The following NEGR1 variants were observed in gnomAD, a reference collection of about 807,000 sequenced individuals.
NEGR1 encodes the protein neuronal growth regulator 1.
A neutral mutation model predicts 40.9 loss-of-function variants in NEGR1; 10 were observed. That is an observed-to-expected ratio of 0.24 (90% CI 0.15 to 0.42). The LOEUF (loss-of-function observed/expected upper bound fraction) is 0.42. Among genes scored for constraint, NEGR1 ranks in the 10% least tolerant of loss-of-function variants. The probability of loss-of-function intolerance (pLI) is 1.00; values close to 1 mark genes in which losing one functional copy is unlikely to be tolerated. For synonymous variants in NEGR1, 185 were observed against 166.8 expected (o/e 1.11, Z -0.84); for missense variants, 352 against 438.9 (o/e 0.80, Z 1.77).
At chr1:72,154,335 A>G (rs1448184292) in intron 1 of NEGR1, among the ~76,000 whole-genome samples, 1 of 151,836 alleles carries the variant, frequency 6.6e-6, no homozygotes, top group Non-Finnish European at 1.5e-5. Flanking sequence ...TTTTTGTTTT[A>G]TATTATTCTG....
At chr1:72,248,579 TTATTA>T (rs1051142083) in intron 1 of NEGR1, among the ~76,000 whole-genome samples, 23 of 107,154 alleles carry the variant, frequency 2.1e-4, no homozygotes, top group South Asian at 1.8e-3. Context: ...TTTTTATTTA[TTATTA>T]TTATTATTAT....
chr1:71,782,450 A>G (rs890839097), intron 2 of NEGR1, among the ~76,000 whole-genome samples: 1 of 152,138 alleles, frequency 6.6e-6, no homozygotes, highest in Non-Finnish European at 1.5e-5. Context: ...TTCCACTCCT[A>G]TACTCATTTC....
intron 3 of NEGR1, among the ~76,000 whole-genome samples, chr1:71,770,519 A>G (rs1656280494): frequency 6.6e-6 from 1 of 152,214 alleles, no homozygotes; most frequent in Non-Finnish European, 1.5e-5. Flanking sequence ...ATTGTATGGT[A>G]TAAAATCAAT....
intron 1 of NEGR1, among the ~76,000 whole-genome samples, chr1:71,954,362 C>T (rs893372499): frequency 6.6e-6 from 1 of 151,232 alleles, no homozygotes; most frequent in African/African-American, 2.4e-5. Flanking sequence ...TTTCAGTAGG[C>T]AAAAAGATGT....
chr1:72,123,913 G>T (rs565440481), intron 1 of NEGR1, among the ~76,000 whole-genome samples: 1 of 151,996 alleles, frequency 6.6e-6, no homozygotes, highest in South Asian at 2.1e-4. Flanking sequence ...TTGGCCTGGG[G>T]GATGATTCTG....
chr1:71,958,229 T>C (rs1646134476), intron 1 of NEGR1, among the ~76,000 whole-genome samples: 1 of 152,220 alleles, frequency 6.6e-6, no homozygotes, highest in African/African-American at 2.4e-5. Context: ...TCTTCTACAT[T>C]TCCCCCCTTA....
intron 2 of NEGR1, among the ~76,000 whole-genome samples, chr1:71,921,361 A>G (rs909144790): frequency 6.6e-6 from 1 of 152,114 alleles, no homozygotes; most frequent in African/African-American, 2.4e-5. Flanking sequence ...CAATCTAAGT[A>G]CATTTGACCT....
chr1:72,053,175 G>A (rs1265181809), intron 1 of NEGR1, among the ~76,000 whole-genome samples: 2 of 151,258 alleles, frequency 1.3e-5, no homozygotes, highest in Non-Finnish European at 3.0e-5. Flanking sequence ...AAAGTTTCAG[G>A]AATGAATAAA....
chr1:71,639,473 G>A (rs1365276572), intron 4 of NEGR1, among the ~76,000 whole-genome samples: 1 of 152,020 alleles, frequency 6.6e-6, no homozygotes, highest in African/African-American at 2.4e-5. Context: ...CTCAATCTCT[G>A]TGTTTCAGGC....
chr1:71,859,696 T>G (rs1046015452), intron 2 of NEGR1, among the ~76,000 whole-genome samples: 2 of 152,058 alleles, frequency 1.3e-5, no homozygotes, highest in Non-Finnish European at 2.9e-5. Flanking sequence ...TTTTACTTAT[T>G]TTACCTCCTG....
At chr1:71,792,504 A>G (rs1350676707) in intron 2 of NEGR1, among the ~76,000 whole-genome samples, 2 of 152,048 alleles carry the variant, frequency 1.3e-5, no homozygotes, top group East Asian at 3.9e-4. Context: ...TTATCTCTGT[A>G]TTGTTTTTCA....
chr1:71,658,785 C>T (rs1009152738), intron 4 of NEGR1, among the ~76,000 whole-genome samples: 1 of 152,032 alleles, frequency 6.6e-6, no homozygotes. Context: ...AGACTGCAGT[C>T]CTTCTTAGAA....
chr1:71,697,976 AACTTATCTTGATAAAAGGTGATGAC>A lies in NEGR1; in HGVS notation c.667+7_667+31del, dbSNP rs926252431. 8 of 1,595,130 alleles carry A rather than the reference AACTTATCTTGATAAAAGGTGATGAC, an allele frequency of 5.0e-6. No individual in the cohort carries two copies. The African/African-American group carries it at 1.1e-4, about 22-fold the overall frequency. Reference sequence around the variant, plus strand: ...TTCAAGGTGTTTTATCTTTTCTCAGAACTTATCTTGATAAAAGGTGATGACACTTACAGTTGACAACAACTTTTAC... The same window carrying A: ...TTCAAGGTGTTTTATCTTTTCTCAGAACTTACAGTTGACAACAACTTTTAC... On this transcript the variant is annotated splice_region_variant and intron_variant, in intron 4 of 6. Transcript: ENST00000357731.
At chr1:71,844,508 G>T (rs1659339023) in intron 2 of NEGR1, among the ~76,000 whole-genome samples, 1 of 152,140 alleles carries the variant, frequency 6.6e-6, no homozygotes, top group Non-Finnish European at 1.5e-5. Context: ...TGATCCTTCA[G>T]GTTTTGAAGA....
Position 71,544,971 on chromosome 1 carries a change from G to A in NEGR1, c.940+47846C>T, listed in dbSNP as rs76958028. 4.8e-3 allele frequency among the ~76,000 whole-genome samples: 724 copies of A among 151,638 alleles called. 20 individuals carry two copies. In the South Asian group the frequency reaches 0.061, roughly 13 times the overall value. ...AGTATTCAGGTTTCCTGAGTGCCTG[G>A]GCAGGTCTCTTGCTATAGCAGCTGA... On this transcript the variant is annotated intron_variant, in intron 6 of 6. Transcript: ENST00000357731.
intron 1 of NEGR1, among the ~76,000 whole-genome samples, chr1:72,027,517 T>C (rs778260392): frequency 7.2e-5 from 11 of 152,084 alleles, no homozygotes; most frequent in African/African-American, 1.4e-4. Flanking sequence ...TTCTGGTTGA[T>C]AGGATAAATG....
chr1:71,658,503 C>T (rs555842367), intron 4 of NEGR1, among the ~76,000 whole-genome samples: 10 of 152,106 alleles, frequency 6.6e-5, no homozygotes, highest in Admixed American at 1.3e-4. Context: ...TTGCTTAATA[C>T]GGGCCATGTG....
intron 1 of NEGR1, among the ~76,000 whole-genome samples, chr1:71,942,864 C>G (rs997620302): frequency 1.6e-5 from 2 of 124,296 alleles, no homozygotes; most frequent in Admixed American, 1.7e-4. Flanking sequence ...TACAGTGGAA[C>G]GATCGTAGCT....
chr1:71,520,213 T>G (rs1328628909), intron 6 of NEGR1, among the ~76,000 whole-genome samples: 1 of 152,076 alleles, frequency 6.6e-6, no homozygotes, highest in African/African-American at 2.4e-5. Flanking sequence ...GTCATGATGG[T>G]TAACTGAGAT....
Sources: allele counts gnomAD v4.1 joint callset (sites outside exome capture counted in the v4.1 genomes callset), GRCh38; gene constraint gnomAD v4.1.1; transcripts MANE v1.5; gene names NCBI Gene and HGNC (gene_info 2026-07-23, HGNC 2026-07-21).